The following DLD variants were observed in gnomAD, a reference collection of about 807,000 sequenced individuals.
DLD encodes the protein dihydrolipoamide dehydrogenase, also known as dihydrolipoyl dehydrogenase, mitochondrial.
In DLD, 36 loss-of-function variants were observed where a neutral mutation model predicts 62.2. That is an observed-to-expected ratio of 0.58 (90% CI 0.44 to 0.76). DLD has a LOEUF of 0.76. Among genes scored for constraint, DLD ranks in the 30% least tolerant of loss-of-function variants. DLD has a pLI of 0.00. For missense variants in DLD, 541 were observed against 608.6 expected (o/e 0.89, Z 1.17); for synonymous variants, 204 against 199.6 (o/e 1.02, Z -0.19).
In DLD at chr7:107,891,763, C is replaced by T. The variant is rs2031584553; in HGVS notation, c.39+474C>T. 1.5e-5 allele frequency: 3 copies of T among 196,794 alleles called. No homozygotes were observed. In the South Asian group the frequency reaches 2.3e-4, roughly 15 times the overall value. The allele number at this position is 196,794 out of a possible 1,614,324, so 12.2% of individuals were successfully genotyped here. A position where few individuals can be genotyped will look rare whatever the true frequency, so the allele number is the denominator to read the frequency against. ...ATGGTTTAGATCCAGTCAGCTCCAA[C>T]AGATAGCCCTCGGAATTCCCCTAAG... On this transcript the variant is annotated intron_variant, in intron 1 of 13. Coordinates refer to ENST00000205402, the MANE Select transcript of DLD (RefSeq NM_000108.5).
intron 3 of DLD, 31 bp from the exon 4 acceptor site, chr7:107,902,294 T>A (rs1375373114): frequency 1.3e-6 from 2 of 1,573,314 alleles, no homozygotes; most frequent in East Asian, 4.5e-5. Flanking sequence ...TGAGGTTATG[T>A]GCAGTTAAAT....
chr7:107,893,137 A>C (rs1248682504), intron 1 of DLD, 63 bp from the exon 2 acceptor site: 1 of 1,400,464 alleles, frequency 7.1e-7, no homozygotes, highest in Admixed American at 1.7e-5. Flanking sequence ...GTTATCATCA[A>C]CCTTCAGTAG....
intron 8 of DLD, among the ~76,000 whole-genome samples, chr7:107,913,972 G>A (rs182186128): frequency 6.6e-6 from 1 of 152,238 alleles, no homozygotes; most frequent in East Asian, 1.9e-4. Flanking sequence ...AGCATCTGTT[G>A]AAGTGATCAT....
intron 2 of DLD, among the ~76,000 whole-genome samples, chr7:107,896,843 T>C (rs1057307182): frequency 3.0e-5 from 4 of 133,882 alleles, no homozygotes; most frequent in Non-Finnish European, 4.5e-5. Context: ...TTTTTGTTTG[T>C]TTTTTTTTTT....
chr7:107,906,179 C>T (rs556951509), intron 7 of DLD, 88 bp from the exon 8 acceptor site: 1 of 776,916 alleles, frequency 1.3e-6, no homozygotes. Flanking sequence ...TTGGTTAAAT[C>T]TGCAAATTTG....
chr7:107,912,772 T>A (rs1228982089), intron 8 of DLD, among the ~76,000 whole-genome samples: 10 of 152,192 alleles, frequency 6.6e-5, no homozygotes, highest in Non-Finnish European at 1.0e-4. Context: ...GTGGACTGTT[T>A]CCTTGGCTGT....
In DLD at chr7:107,915,712, T is replaced by A; in HGVS notation, c.875+16T>A. ...TTGATGTTTCGTAAGTATACATCAT[T>A]TGTTTTTGATGTATCATCCCTGTCT... On this transcript the variant is annotated intron_variant, in intron 9 of 13. Transcript: ENST00000205402. The A allele has an allele frequency of 1.2e-6, 2 of 1,607,226 alleles. No individual in the cohort carries two copies. The highest frequency in any genetic ancestry group is 1.7e-6 in the Non-Finnish European group (2 of 1,174,398).
At chr7:107,909,717 A>T (rs540824358) in intron 8 of DLD, among the ~76,000 whole-genome samples, 38 of 152,200 alleles carry the variant, frequency 2.5e-4, no homozygotes, top group African/African-American at 8.9e-4. Flanking sequence ...TCCATTTTTG[A>T]AAATTTAGGC....
chr7:107,905,938 G>T (rs2031995903), intron 7 of DLD, among the ~76,000 whole-genome samples: 1 of 152,132 alleles, frequency 6.6e-6, no homozygotes, highest in South Asian at 2.1e-4. Context: ...AAAACCCACA[G>T]ATGCTCAAGT....
At chr7:107,891,137 G>A, upstream of DLD, 1 of 1,364,606 alleles carries the variant, frequency 7.3e-7, no homozygotes, top group South Asian at 1.2e-5. Flanking sequence ...CGCTGCTCCC[G>A]GGTGATGACG....
At position 107,916,958 on chromosome 7, in the gene DLD, T is replaced by G; in HGVS notation, c.1040T>G (p.Ile347Ser). 2 of 1,613,840 alleles carry G rather than the reference T, an allele frequency of 1.2e-6. No individual in the cohort carries two copies. The highest frequency in any genetic ancestry group is 1.7e-6 in the Non-Finnish European group (2 of 1,179,884). The change falls in exon 10 of 14, where the codon ATT (isoleucine) becomes AGT (serine). Residue 347 changes from isoleucine (I) to serine (S), a missense_variant. Transcript: ENST00000205402. ...IPVNTRFQTKIPNIYAIGDVV... is the reference protein window; with the variant it reads ...IPVNTRFQTKSPNIYAIGDVV... ...GTCAATACCAGATTTCAAACTAAAA[T>G]TCCAAAGTAAGTTGGATAATTGTCT... is the stretch of plus-strand genomic sequence containing the variant.
At chr7:107,891,415 CCCCG>C in intron 1 of DLD, 126 bp downstream of exon 1, 1 of 1,063,408 alleles carries the variant, frequency 9.4e-7, no homozygotes, top group South Asian at 1.3e-5. Flanking sequence ...CCACCCCTGG[CCCCG>C]CCTCTGCACT....
In DLD at chr7:107,904,998, G is replaced by A; in HGVS notation, c.378G>A (p.Gln126=). 1 of 1,613,334 alleles carries A rather than the reference G, an allele frequency of 6.2e-7. No homozygotes were observed. The highest frequency in any genetic ancestry group is 1.3e-5 in the African/African-American group (1 of 75,022). Residue 126 remains glutamine, a synonymous_variant, in exon 6 of 14, where the codon CAG becomes CAA. Transcript: ENST00000205402. ...TGAATTTAGACAAGATGATGGAGCA[G>A]AAGAGTACTGCAGTAAAAGCTTTAA... ...VRLNLDKMME[Q]KSTAVKALTG... is the part of the protein sequence containing the mutation.
chr7:107,898,730 A>G (rs924661490), intron 2 of DLD, among the ~76,000 whole-genome samples: 2 of 151,676 alleles, frequency 1.3e-5, no homozygotes, highest in African/African-American at 4.9e-5. Context: ...AGCTGGGACT[A>G]CAGGTGCCTG....
intron 3 of DLD, 63 bp from the exon 4 acceptor site, chr7:107,902,262 G>C (rs2031894248): frequency 7.0e-7 from 1 of 1,430,510 alleles, no homozygotes; most frequent in Non-Finnish European, 9.9e-7. Flanking sequence ...CATATATTTG[G>C]AATTTTAGTG....
chr7:107,897,127 G>T (rs1440636588), intron 2 of DLD, among the ~76,000 whole-genome samples: 1 of 152,068 alleles, frequency 6.6e-6, no homozygotes, highest in Non-Finnish European at 1.5e-5. Context: ...GAGCCACCGC[G>T]CCTGGCCAAA....
At position 107,916,544 on chromosome 7, in the gene DLD, T is replaced by C. The variant is rs183150245; in HGVS notation, c.876-250T>C. ...AAAATTAGCTGGGCGTGGTGGCGCG[T>C]GCCTGTAGTCCCAGCTACTAGGGAG... is the stretch of plus-strand genomic sequence containing the variant. On this transcript the variant is annotated intron_variant, in intron 9 of 13. Transcript: ENST00000205402. 9.1e-3 allele frequency among the ~76,000 whole-genome samples: 1,381 copies of C among 152,038 alleles called. 19 individuals are homozygous for C. The highest frequency in any genetic ancestry group is 0.032 in the African/African-American group (1,311 of 41,450).
At chr7:107,893,177 A>G in intron 1 of DLD, 23 bp from the exon 2 acceptor site, 2 of 1,601,572 alleles carry the variant, frequency 1.2e-6, no homozygotes, top group Non-Finnish European at 8.6e-7. Flanking sequence ...ATCTTACATA[A>G]TAGGGACATT....
At chr7:107,916,410 C>G (rs180862548) in intron 9 of DLD, among the ~76,000 whole-genome samples, 2 of 152,284 alleles carry the variant, frequency 1.3e-5, no homozygotes, top group Non-Finnish European at 2.9e-5. Flanking sequence ...CATGGTGGCT[C>G]ACACCTGTAA....
Sources: allele counts gnomAD v4.1 joint callset (sites outside exome capture counted in the v4.1 genomes callset), GRCh38; gene constraint gnomAD v4.1.1; transcripts MANE v1.5; gene names NCBI Gene and HGNC (gene_info 2026-07-23, HGNC 2026-07-21).